The following COL4A2 variants were observed in gnomAD, a reference collection of about 807,000 sequenced individuals.
COL4A2 encodes collagen type IV alpha 2 chain.
COL4A2 carries 99 observed loss-of-function variants against 200.2 expected under a neutral mutation model. That is an observed-to-expected ratio of 0.49 (90% CI 0.42 to 0.58). COL4A2 has a LOEUF of 0.58. COL4A2 is among the 20% of genes least tolerant of loss of function. The probability of loss-of-function intolerance (pLI) is 0.00; values close to 1 mark genes in which losing one functional copy is unlikely to be tolerated. For missense variants in COL4A2, 1,950 were observed against 2,314.1 expected, an observed-to-expected ratio of 0.84 and a Z score of 3.23; for synonymous variants, 897 against 900.6, an observed-to-expected ratio of 1.00 and a Z score of 0.07.
Position 110,485,041 on chromosome 13 carries a change from C to T in COL4A2, c.3025+14C>T. 6.4e-7 allele frequency: 1 copy of T among 1,571,910 alleles called. No homozygotes were observed. On this transcript the variant is annotated intron_variant, in intron 33 of 47. Transcript: ENST00000360467. ...TGGGCGCAAAAGGTGAGGCTTCTGA[C>T]CTGCAGCCAGGGGCCCCTAGTCCCT...
chr13:110,501,311 C>G (rs2281969), intron 40 of COL4A2, among the ~76,000 whole-genome samples: 34,384 of 152,244 alleles, frequency 0.23, 4,755 homozygotes, highest in East Asian at 0.5. Flanking sequence ...ACTGTCCACA[C>G]ATATCAGGAT....
intron 4 of COL4A2, among the ~76,000 whole-genome samples, chr13:110,396,321 T>G (rs1247582389): frequency 6.6e-6 from 1 of 152,224 alleles, no homozygotes; most frequent in East Asian, 1.9e-4. Flanking sequence ...CAACCAGCCA[T>G]GCTTGTAAAA....
intron 4 of COL4A2, among the ~76,000 whole-genome samples, chr13:110,364,870 T>A (rs1431109080): frequency 6.6e-6 from 1 of 152,176 alleles, no homozygotes; most frequent in Non-Finnish European, 1.5e-5. Flanking sequence ...ATTTCAGTTT[T>A]AATTAATTAA....
At chr13:110,393,759 A>G (rs1416504253) in intron 4 of COL4A2, among the ~76,000 whole-genome samples, 2 of 152,092 alleles carry the variant, frequency 1.3e-5, no homozygotes, top group Non-Finnish European at 2.9e-5. Context: ...CACACCTATA[A>G]TCCCGGCTAC....
chr13:110,426,439 C>T (rs893882076), intron 6 of COL4A2, among the ~76,000 whole-genome samples: 4 of 152,216 alleles, frequency 2.6e-5, no homozygotes, highest in African/African-American at 9.7e-5. Flanking sequence ...GATCCAGTCT[C>T]TTAACCGCAG....
chr13:110,511,796 G>A (rs763415695), intron 47 of COL4A2, 138 bp from the exon 48 acceptor site: 18 of 1,400,584 alleles, frequency 1.3e-5, no homozygotes, highest in Middle Eastern at 2.5e-4. Flanking sequence ...GCGCATTCGC[G>A]AGGATGCCTC....
At chr13:110,418,928 A>T (rs896403168) in intron 4 of COL4A2, among the ~76,000 whole-genome samples, 3 of 152,216 alleles carry the variant, frequency 2.0e-5, no homozygotes, top group Non-Finnish European at 4.4e-5. Context: ...AAATCAACGA[A>T]TATTTCTAAA....
chr13:110,332,427 G>A (rs1875959277), intron 3 of COL4A2, among the ~76,000 whole-genome samples: 4 of 152,162 alleles, frequency 2.6e-5, no homozygotes, highest in Admixed American at 2.6e-4. Context: ...AATGCAAGAG[G>A]GATGTAAACC....
chr13:110,405,983 G>C (rs1430611667), intron 4 of COL4A2, among the ~76,000 whole-genome samples: 2 of 152,200 alleles, frequency 1.3e-5, no homozygotes, highest in African/African-American at 4.8e-5. Context: ...CCGATCGGGG[G>C]AAGCCATGGC....
At chr13:110,345,864 TG>T (rs1471829610) in intron 3 of COL4A2, among the ~76,000 whole-genome samples, 1 of 152,188 alleles carries the variant, frequency 6.6e-6, no homozygotes, top group African/African-American at 2.4e-5. Flanking sequence ...CATCTGTGCC[TG>T]GGCATGTGTA....
At position 110,458,409 on chromosome 13, in the gene COL4A2, T is replaced by A. The variant is rs190941192; in HGVS notation, c.1433-362T>A. The A allele has an allele frequency of 6.3e-3, 2,009 of 316,654 alleles. 21 individuals carry two copies. Among genetic ancestry groups the A allele is most frequent in the Non-Finnish European group, 9.5e-3 (1,559 of 164,492 alleles). 19.6% of individuals were successfully genotyped at this position (316,654 alleles called of 1,614,324 possible). A position where few individuals can be genotyped will look rare whatever the true frequency, so the allele number is the denominator to read the frequency against. The stretch of plus-strand genomic sequence containing the variant: ...CTGACGGCTCCCTGGAGCCGGCTCC[T>A]CCCCTTGGCCCGCAGGCCCAGTGGT... On this transcript the variant is annotated intron_variant, in intron 21 of 47. Transcript: ENST00000360467.
chr13:110,483,678 A>C (rs908509885), intron 32 of COL4A2, among the ~76,000 whole-genome samples: 5 of 146,306 alleles, frequency 3.4e-5, no homozygotes, highest in African/African-American at 1.1e-4. Flanking sequence ...CAGAAATGAA[A>C]AGTGGATTCG....
At position 110,481,887 on chromosome 13, in the gene COL4A2, C is replaced by T. The variant is rs754454387; in HGVS notation, c.2759-629C>T. Among the ~76,000 whole-genome samples the T allele has an allele frequency of 9.9e-5, 8 of 80,910 alleles. 2 individuals are homozygous for T. Among genetic ancestry groups the T allele is most frequent in the African/African-American group, 3.7e-4 (5 of 13,598 alleles). The allele number at this position is 80,910 out of a possible 152,430, so 53.1% of individuals were successfully genotyped here. A position where few individuals can be genotyped will look rare whatever the true frequency, so the allele number is the denominator to read the frequency against. On this transcript the variant is annotated intron_variant, in intron 31 of 47. Transcript: ENST00000360467. ...GTGCTGGAGACACACTGCTCTGTCC[C>T]TCCGTGCTGGAGACACACTGCTCTG... is the stretch of plus-strand genomic sequence containing the variant.
intron 24 of COL4A2, among the ~76,000 whole-genome samples, chr13:110,463,799 G>A (rs894508225): frequency 2.6e-5 from 4 of 152,152 alleles, no homozygotes; most frequent in African/African-American, 9.7e-5. Context: ...GCTTCCCAAA[G>A]CACTGGTTTT....
chr13:110,414,131 T>C (rs1359483371), intron 4 of COL4A2, among the ~76,000 whole-genome samples: 2 of 152,164 alleles, frequency 1.3e-5, no homozygotes, highest in Non-Finnish European at 2.9e-5. Flanking sequence ...GCTATGACTG[T>C]GCCACTGCAG....
chr13:110,409,414 C>G (rs1879744191), intron 4 of COL4A2, among the ~76,000 whole-genome samples: 1 of 152,230 alleles, frequency 6.6e-6, no homozygotes, highest in Non-Finnish European at 1.5e-5. Context: ...CAGTAATGCT[C>G]CTTGTTCCTA....
intron 4 of COL4A2, among the ~76,000 whole-genome samples, chr13:110,375,179 G>A (rs1441816444): frequency 6.6e-6 from 1 of 152,158 alleles, no homozygotes; most frequent in Non-Finnish European, 1.5e-5. Flanking sequence ...CTTGACTTTG[G>A]CATCACATTC....
At chr13:110,437,199 G>A (rs1880922593) in intron 13 of COL4A2, among the ~76,000 whole-genome samples, 1 of 152,242 alleles carries the variant, frequency 6.6e-6, no homozygotes, top group Non-Finnish European at 1.5e-5. Flanking sequence ...GCCTTGTGGG[G>A]GAAATCAACC....
chr13:110,423,055 A>T (rs1001694145), intron 4 of COL4A2, among the ~76,000 whole-genome samples: 1 of 152,058 alleles, frequency 6.6e-6, no homozygotes, highest in Admixed American at 6.6e-5. Flanking sequence ...CCTCAATCTC[A>T]GGGCAAGACA....
Sources: gnomAD v4.1 joint callset for allele counts (sites outside exome capture counted in the v4.1 genomes callset) on GRCh38, gnomAD v4.1.1 for gene constraint, MANE v1.5 for transcripts, NCBI Gene and HGNC (gene_info 2026-07-23, HGNC 2026-07-21) for gene names.